The following ADAMTSL1 variants were observed in gnomAD, a reference collection of about 807,000 sequenced individuals.
ADAMTSL1 encodes the protein ADAMTS like 1.
In ADAMTSL1, 126 loss-of-function variants were observed where a neutral mutation model predicts 201.8. The observed-to-expected ratio is 0.62, with a 90% CI of 0.54 to 0.72. ADAMTSL1 has a LOEUF of 0.72. Among genes scored for constraint, ADAMTSL1 ranks in the 30% least tolerant of loss-of-function variants. The probability of loss-of-function intolerance (pLI) is 0.00; values close to 1 mark genes in which losing one functional copy is unlikely to be tolerated. For missense variants in ADAMTSL1, 2,679 were observed against 2,277.8 expected (o/e 1.18, Z -3.59); for synonymous variants, 1,121 against 903.4 (o/e 1.24, Z -4.32).
At chr9:18,885,585 G>A (rs1393541511) in intron 23 of ADAMTSL1, among the ~76,000 whole-genome samples, 1 of 152,190 alleles carries the variant, frequency 6.6e-6, no homozygotes, top group Non-Finnish European at 1.5e-5. Flanking sequence ...CTGTCAAGTG[G>A]CATGGGCTAG....
intron 6 of ADAMTSL1, among the ~76,000 whole-genome samples, chr9:18,638,593 A>C (rs1362903739): frequency 6.6e-6 from 1 of 152,128 alleles, no homozygotes; most frequent in African/African-American, 2.4e-5. Flanking sequence ...TCTGGATTTG[A>C]ATGCTCCAGA....
Position 18,579,511 on chromosome 9 carries a change from TA to T in ADAMTSL1, c.474+5253del, listed in dbSNP as rs778371570. Among the ~76,000 whole-genome samples, 496 of 151,986 alleles carry T rather than the reference TA, an allele frequency of 3.3e-3. 4 individuals carry two copies. Among genetic ancestry groups the T allele is most frequent in the African/African-American group, 0.01 (429 of 41,468 alleles). ...AAAGTATAATTAAAAAATAAATAAA[TA>T]AAAAAAATAAAGTGCTTACTATGAG... On this transcript the variant is annotated intron_variant, in intron 4 of 28. Transcript: ENST00000380548.
chr9:18,113,609 T>C (rs560148344), intron 1 of ADAMTSL1, among the ~76,000 whole-genome samples: 1 of 152,246 alleles, frequency 6.6e-6, no homozygotes, highest in South Asian at 2.1e-4. Context: ...TCTAGAGAGA[T>C]AGGTCTTGAC....
intron 1 of ADAMTSL1, among the ~76,000 whole-genome samples, chr9:18,030,902 G>C (rs1335622558): frequency 2.0e-5 from 3 of 152,030 alleles, no homozygotes; most frequent in Non-Finnish European, 4.4e-5. Context: ...GAGTTAATTT[G>C]AGTGACTGGT....
chr9:18,053,781 C>T lies in ADAMTSL1; in HGVS notation c.88-110081C>T, dbSNP rs941757188. Among the ~76,000 whole-genome samples the T allele has an allele frequency of 5.3e-5, 8 of 152,280 alleles. No individual in the cohort carries two copies. In the East Asian group the frequency reaches 1.2e-3, roughly 22 times the overall value. On this transcript the variant is annotated intron_variant, in intron 1 of 29. Coordinates refer to the ADAMTSL1 transcript ENST00000680146. Reference sequence around the variant, plus strand: ...TGAGCACTCTTGATGTACCAGGCTCCGAGGAGGCTTCAAGGATAAAACACA... The same window carrying T: ...TGAGCACTCTTGATGTACCAGGCTCTGAGGAGGCTTCAAGGATAAAACACA...
At chr9:18,454,016 A>T (rs1429526011) in intron 2 of ADAMTSL1, among the ~76,000 whole-genome samples, 1 of 152,230 alleles carries the variant, frequency 6.6e-6, no homozygotes, top group Non-Finnish European at 1.5e-5. Flanking sequence ...CTATAGATAG[A>T]CAGATACAGA....
At chr9:18,631,442 C>G (rs1826766286) in intron 5 of ADAMTSL1, among the ~76,000 whole-genome samples, 1 of 152,158 alleles carries the variant, frequency 6.6e-6, no homozygotes, top group African/African-American at 2.4e-5. Flanking sequence ...TCAAGATTGG[C>G]AGACTATTTT....
chr9:18,408,840 G>A (rs565181572), intron 2 of ADAMTSL1, among the ~76,000 whole-genome samples: 1 of 152,284 alleles, frequency 6.6e-6, no homozygotes, highest in African/African-American at 2.4e-5. Flanking sequence ...GAAGAAATAT[G>A]TTCTGCTGTG....
At chr9:17,979,253 T>C (rs1268629505) in intron 1 of ADAMTSL1, among the ~76,000 whole-genome samples, 1 of 152,142 alleles carries the variant, frequency 6.6e-6, no homozygotes, top group Non-Finnish European at 1.5e-5. Flanking sequence ...TCTTTATATA[T>C]TACCCTGCTC....
At chr9:18,405,058 C>A (rs898699511) in intron 2 of ADAMTSL1, among the ~76,000 whole-genome samples, 4 of 152,072 alleles carry the variant, frequency 2.6e-5, no homozygotes, top group African/African-American at 9.7e-5. Context: ...CGCAACTGGC[C>A]CCTAAATACC....
At chr9:18,235,738 G>A (rs1217547436) in intron 2 of ADAMTSL1, among the ~76,000 whole-genome samples, 2 of 152,134 alleles carry the variant, frequency 1.3e-5, no homozygotes, top group African/African-American at 4.8e-5. Context: ...CATTGCAGGA[G>A]TGGTGCTGAC....
intron 4 of ADAMTSL1, among the ~76,000 whole-genome samples, chr9:18,585,912 A>C (rs999693525): frequency 2.0e-5 from 3 of 152,210 alleles, no homozygotes; most frequent in African/African-American, 7.2e-5. Context: ...TAAAAATTTA[A>C]TAAACTAGAT....
intron 2 of ADAMTSL1, among the ~76,000 whole-genome samples, chr9:18,189,859 GT>G (rs1828898912): frequency 6.6e-6 from 1 of 152,110 alleles, no homozygotes; most frequent in African/African-American, 2.4e-5. Flanking sequence ...CTTTTGAAAG[GT>G]TTTTGTACTC....
intron 15 of ADAMTSL1, among the ~76,000 whole-genome samples, chr9:18,731,162 T>A (rs748108): frequency 5.9e-5 from 9 of 152,036 alleles, no homozygotes; most frequent in African/African-American, 2.2e-4. Context: ...GACTTGGCAA[T>A]GTCAAAGCTA....
chr9:17,921,295 A>T (rs1042343367), intron 1 of ADAMTSL1, among the ~76,000 whole-genome samples: 4 of 152,122 alleles, frequency 2.6e-5, no homozygotes, highest in African/African-American at 4.8e-5. Flanking sequence ...GGTACCTCCA[A>T]GTCTGAAGCC....
At chr9:18,315,570 G>A (rs960122037) in intron 2 of ADAMTSL1, among the ~76,000 whole-genome samples, 6 of 152,128 alleles carry the variant, frequency 3.9e-5, no homozygotes, top group Admixed American at 6.5e-5. Flanking sequence ...CACACCCTCC[G>A]CAGCTGCTGG....
intron 23 of ADAMTSL1, among the ~76,000 whole-genome samples, chr9:18,840,132 A>T (rs1273664441): frequency 3.4e-5 from 5 of 147,064 alleles, no homozygotes; most frequent in African/African-American, 1.0e-4. Context: ...CTGAATGGTA[A>T]TGCCTAGGTT....
intron 1 of ADAMTSL1, among the ~76,000 whole-genome samples, chr9:17,975,566 T>A (rs1028316090): frequency 2.0e-5 from 3 of 152,050 alleles, no homozygotes; most frequent in Non-Finnish European, 4.4e-5. Flanking sequence ...TTAGGTTTCA[T>A]CATGTGGATT....
At chr9:18,433,521 A>G (rs1384790520) in intron 2 of ADAMTSL1, among the ~76,000 whole-genome samples, 1 of 152,120 alleles carries the variant, frequency 6.6e-6, no homozygotes, top group Admixed American at 6.5e-5. Flanking sequence ...AAATTGGGGA[A>G]GCCAAATTGC....
Sources: allele counts gnomAD v4.1 joint callset (sites outside exome capture counted in the v4.1 genomes callset), GRCh38; gene constraint gnomAD v4.1.1; transcripts MANE v1.5; gene names NCBI Gene and HGNC (gene_info 2026-07-23, HGNC 2026-07-21).